LRBA: variants seen among roughly 807,000 people sequenced by gnomAD.
LRBA encodes LPS responsive beige-like anchor protein, also known as lipopolysaccharide-responsive and beige-like anchor protein.
Under a neutral mutation model 330.0 loss-of-function variants are expected in LRBA, and 176 were observed. The observed-to-expected ratio is 0.53, with a 90% confidence interval of 0.47 to 0.60. The LOEUF is 0.60. LRBA is among the 20% of genes least tolerant of loss of function. The pLI is 0.00. For missense variants in LRBA, 3,259 were observed against 3,444.8 expected, an observed-to-expected ratio of 0.95 and a Z score of 1.35; for synonymous variants, 1,230 against 1,193.0, an observed-to-expected ratio of 1.03 and a Z score of -0.64.
At chr4:150,326,310 T>TA (rs895995955) in intron 48 of LRBA, among the ~76,000 whole-genome samples, 1 of 151,786 alleles carries the variant, frequency 6.6e-6, no homozygotes, top group African/African-American at 2.4e-5. Flanking sequence ...TCCTGGGGAG[T>TA]AAAAAGGAGG....
chr4:150,386,996 T>C (rs1743175118), intron 47 of LRBA, among the ~76,000 whole-genome samples: 1 of 152,220 alleles, frequency 6.6e-6, no homozygotes, highest in South Asian at 2.1e-4. Flanking sequence ...TGGGTTTGAT[T>C]TGCATTTCTC....
chr4:150,558,897 C>A (rs1767683105), intron 40 of LRBA, among the ~76,000 whole-genome samples: 2 of 152,040 alleles, frequency 1.3e-5, no homozygotes, highest in African/African-American at 4.8e-5. Context: ...AGGATATTCG[C>A]ATGGTATCAT....
chr4:150,358,005 G>A (rs1306593695), intron 47 of LRBA, among the ~76,000 whole-genome samples: 2 of 151,976 alleles, frequency 1.3e-5, no homozygotes, highest in Non-Finnish European at 2.9e-5. Flanking sequence ...CAGATGGCCT[G>A]GAAAAACACA....
At chr4:150,371,482 C>T (rs1331719763) in intron 47 of LRBA, among the ~76,000 whole-genome samples, 1 of 151,988 alleles carries the variant, frequency 6.6e-6, no homozygotes, top group Admixed American at 6.5e-5. Context: ...CAAGCCACCG[C>T]GCCTGGCCGC....
intron 2 of LRBA, 57 bp from the exon 3 acceptor site, chr4:150,929,122 A>C (rs1734192730): frequency 9.5e-7 from 1 of 1,055,796 alleles, no homozygotes; most frequent in South Asian, 1.4e-5. Flanking sequence ...ATATCACTAT[A>C]GCATGTTCCT....
rs1362117887 is a variant in LRBA, at chr4:150,852,150, G to C, written c.3560C>G (p.Ser1187Cys). 1.9e-6 allele frequency: 3 copies of C among 1,613,992 alleles called. No individual in the cohort carries two copies. Among genetic ancestry groups the C allele is most frequent in the African/African-American group, 2.7e-5 (2 of 74,924 alleles). ...SGIQTMTASG[S>C]SAMSPETTVS... ...AGTAGTTTCTGGTGACATAGCTGAA[G>C]ACCCTGATGCTGTCATAGTCTGAAT... The change falls in exon 23 of 57, where the codon TCT (serine) becomes TGT (cysteine). Residue 1187 changes from serine (S) to cysteine (C), a missense_variant. Transcript: ENST00000651943.
chr4:150,940,305 G>A (rs1247268913), intron 2 of LRBA, among the ~76,000 whole-genome samples: 1 of 151,846 alleles, frequency 6.6e-6, no homozygotes, highest in African/African-American at 2.4e-5. Flanking sequence ...AGGAAGCTGA[G>A]GCAAGAGGAC....
intron 2 of LRBA, among the ~76,000 whole-genome samples, chr4:150,976,175 GAAA>G (rs56914557): frequency 2.0e-4 from 18 of 88,680 alleles, no homozygotes; most frequent in Non-Finnish European, 3.0e-4. Context: ...ACTCCGTCTT[GAAA>G]AAAAAAAAAA....
At chr4:150,921,778 T>TG (rs1440102738) in intron 4 of LRBA, among the ~76,000 whole-genome samples, 1 of 151,842 alleles carries the variant, frequency 6.6e-6, no homozygotes, top group Non-Finnish European at 1.5e-5. Flanking sequence ...CAGGCTAGAG[T>TG]GCAATGGCAT....
At chr4:150,552,736 T>C (rs1464965388) in intron 40 of LRBA, among the ~76,000 whole-genome samples, 1 of 152,028 alleles carries the variant, frequency 6.6e-6, no homozygotes, top group East Asian at 1.9e-4. Context: ...AGTAAAGACT[T>C]GGAACCAACC....
chr4:150,464,710 G>T (rs1755220314), intron 44 of LRBA, among the ~76,000 whole-genome samples: 2 of 151,998 alleles, frequency 1.3e-5, no homozygotes, highest in South Asian at 4.1e-4. Context: ...GCTTGTTAAG[G>T]ATGACCTAAG....
At chr4:150,443,872 ATTTT>A (rs61403112) in intron 44 of LRBA, among the ~76,000 whole-genome samples, 5,559 of 88,330 alleles carry the variant, frequency 0.063, 313 homozygotes, top group African/African-American at 0.15. Flanking sequence ...ATATATATAT[ATTTT>A]TTTTTTTTTT....
At chr4:150,523,961 T>C (rs1763196230) in intron 40 of LRBA, among the ~76,000 whole-genome samples, 1 of 152,224 alleles carries the variant, frequency 6.6e-6, no homozygotes, top group African/African-American at 2.4e-5. Context: ...CTAGTCATTT[T>C]GTGTGTTAGA....
At chr4:150,889,350 A>G (rs938411847) in intron 17 of LRBA, among the ~76,000 whole-genome samples, 2 of 152,174 alleles carry the variant, frequency 1.3e-5, no homozygotes, top group African/African-American at 2.4e-5. Context: ...CTCATCAAAA[A>G]AACACTTTCA....
intron 33 of LRBA, among the ~76,000 whole-genome samples, chr4:150,805,440 A>AGGGAAG (rs1742533914): frequency 2.3e-5 from 2 of 87,556 alleles, no homozygotes; most frequent in Non-Finnish European, 4.5e-5. Context: ...AAGGAAAGGA[A>AGGGAAG]GGAAAGGGAA....
intron 36 of LRBA, among the ~76,000 whole-genome samples, chr4:150,712,309 G>A (rs1786302286): frequency 6.6e-6 from 1 of 152,070 alleles, no homozygotes; most frequent in Admixed American, 6.5e-5. Flanking sequence ...CATCCTCAAC[G>A]TTTGAGTATC....
At chr4:150,280,540 G>T (rs1747365416) in intron 55 of LRBA, among the ~76,000 whole-genome samples, 2 of 152,208 alleles carry the variant, frequency 1.3e-5, no homozygotes, top group Non-Finnish European at 2.9e-5. Flanking sequence ...CTGTCTAGTT[G>T]ATGGACTGTG....
In LRBA at chr4:150,700,133, G is replaced by A. The variant is rs58868333; in HGVS notation, c.5755-16416C>T. On this transcript the variant is annotated intron_variant, in intron 36 of 56. Transcript: ENST00000651943. ...TTCTGGTCCCAAGCATTCTGGATAC[G>A]GGATACTCAACCGGCATTTTATCTT... 1.3e-3 allele frequency among the ~76,000 whole-genome samples: 198 copies of A among 152,062 alleles called. 3 individuals are homozygous for A. Among genetic ancestry groups the A allele is most frequent in the African/African-American group, 4.7e-3 (193 of 41,466 alleles).
chr4:150,408,817 C>G lies in LRBA; in HGVS notation c.7194+6621G>C, dbSNP rs1020265779. The stretch of plus-strand genomic sequence containing the variant: ...TCTTGCTTGAAAATCTTTCCCTATT[C>G]CAATATCACATAGAAATTCTCCTGT... On this transcript the variant is annotated intron_variant, in intron 47 of 56. Transcript: ENST00000651943. Among the ~76,000 whole-genome samples, 4 of 152,022 alleles carry G rather than the reference C, an allele frequency of 2.6e-5. No individual in the cohort carries two copies. In the South Asian group the frequency reaches 8.3e-4, roughly 32 times the overall value.
Sources: allele counts gnomAD v4.1 joint callset (sites outside exome capture counted in the v4.1 genomes callset), GRCh38; gene constraint gnomAD v4.1.1; transcripts MANE v1.5; gene names NCBI Gene and HGNC (gene_info 2026-07-23, HGNC 2026-07-21).